ADAMTSL1: variants seen among roughly 807,000 people sequenced by gnomAD.
ADAMTSL1 encodes ADAMTS like 1.
Under a neutral mutation model 201.8 loss-of-function variants are expected in ADAMTSL1, and 126 were observed. That is an observed-to-expected ratio of 0.62 (90% confidence interval 0.54 to 0.72). The LOEUF (loss-of-function observed/expected upper bound fraction) is 0.72, where lower values mean the gene tolerates loss of function less well. ADAMTSL1 is among the 30% of genes least tolerant of loss of function. The probability of loss-of-function intolerance (pLI) is 0.00; values close to 1 mark genes in which losing one functional copy is unlikely to be tolerated. For synonymous variants in ADAMTSL1, 1,121 were observed against 903.4 expected, an observed-to-expected ratio of 1.24 and a Z score of -4.32; for missense variants, 2,679 against 2,277.8, an observed-to-expected ratio of 1.18 and a Z score of -3.59.
chr9:18,223,452 A>G (rs1318456894), intron 2 of ADAMTSL1, among the ~76,000 whole-genome samples: 3 of 151,932 alleles, frequency 2.0e-5, no homozygotes, highest in South Asian at 2.1e-4. Context: ...TTTCTTTACC[A>G]TCTTTTTGCT....
At chr9:18,568,022 T>C (rs1002949202) in intron 3 of ADAMTSL1, among the ~76,000 whole-genome samples, 1 of 152,192 alleles carries the variant, frequency 6.6e-6, no homozygotes, top group Non-Finnish European at 1.5e-5. Flanking sequence ...GTGAATGTGA[T>C]CTCTCTTTCA....
At chr9:18,585,098 T>G (rs1270322212) in intron 4 of ADAMTSL1, among the ~76,000 whole-genome samples, 2 of 152,182 alleles carry the variant, frequency 1.3e-5, no homozygotes, top group African/African-American at 4.8e-5. Flanking sequence ...TCATAGAAAT[T>G]CATTTATTTC....
At chr9:18,254,682 C>T (rs1482781106) in intron 2 of ADAMTSL1, among the ~76,000 whole-genome samples, 1 of 141,510 alleles carries the variant, frequency 7.1e-6, no homozygotes, top group Non-Finnish European at 1.5e-5. Flanking sequence ...CCCCAGTACT[C>T]TTAAATACAC....
chr9:18,608,867 A>G (rs1349478014), intron 4 of ADAMTSL1, among the ~76,000 whole-genome samples: 2 of 152,120 alleles, frequency 1.3e-5, no homozygotes, highest in East Asian at 3.9e-4. Context: ...TTTTCCTTTT[A>G]AAAAGATCGT....
At chr9:17,997,592 C>T (rs1220489585) in intron 1 of ADAMTSL1, among the ~76,000 whole-genome samples, 1 of 151,992 alleles carries the variant, frequency 6.6e-6, no homozygotes, top group Admixed American at 6.6e-5. Context: ...TATTTCTCAG[C>T]AGGGCCCTCC....
chr9:18,469,768 C>G (rs1821136186), upstream of ADAMTSL1, among the ~76,000 whole-genome samples: 1 of 152,232 alleles, frequency 6.6e-6, no homozygotes, highest in Admixed American at 6.5e-5. Context: ...TACAAGCAGA[C>G]AGAGCAAAGT....
intron 1 of ADAMTSL1, among the ~76,000 whole-genome samples, chr9:17,943,410 G>A (rs1477675855): frequency 6.6e-6 from 1 of 152,118 alleles, no homozygotes; most frequent in Non-Finnish European, 1.5e-5. Context: ...ATGGGGTAAA[G>A]ATCATTCTCA....
chr9:18,095,756 A>G (rs915969883), intron 1 of ADAMTSL1, among the ~76,000 whole-genome samples: 9 of 152,038 alleles, frequency 5.9e-5, no homozygotes, highest in African/African-American at 1.9e-4. Flanking sequence ...TGGGCTGACA[A>G]CGTATTTCAG....
chr9:18,096,901 A>G (rs1465220936), intron 1 of ADAMTSL1, among the ~76,000 whole-genome samples: 4 of 152,060 alleles, frequency 2.6e-5, no homozygotes, highest in Non-Finnish European at 4.4e-5. Context: ...TTTTTTTGTC[A>G]TCTTCTCTTA....
Position 17,999,966 on chromosome 9 carries a change from G to A in ADAMTSL1, c.87+93044G>A, listed in dbSNP as rs544708392. Among the ~76,000 whole-genome samples the A allele has an allele frequency of 4.6e-3, 672 of 146,102 alleles. 6 individuals are homozygous for A. Among genetic ancestry groups the A allele is most frequent in the Middle Eastern group, 7.0e-3 (2 of 286 alleles). ...TTTTTATGGCTGCATAGTATTCCAT[G>A]GTGTATATGTGCCACATTTTCTTAA... On this transcript the variant is annotated intron_variant, in intron 1 of 29. Transcript: ENST00000680146.
chr9:18,461,121 G>T (rs1212878266), intron 2 of ADAMTSL1, among the ~76,000 whole-genome samples: 3 of 152,132 alleles, frequency 2.0e-5, no homozygotes, highest in African/African-American at 7.2e-5. Flanking sequence ...CAAGAAAGGT[G>T]CATCAAGAAT....
intron 1 of ADAMTSL1, among the ~76,000 whole-genome samples, chr9:18,064,482 A>G (rs757189994): frequency 8.5e-5 from 13 of 152,216 alleles, no homozygotes; most frequent in Non-Finnish European, 1.5e-4. Context: ...ATAGGAACAT[A>G]AAGTGAAAGT....
chr9:18,478,319 G>A lies in ADAMTSL1; in HGVS notation c.63+4024G>A, dbSNP rs575089348. On this transcript the variant is annotated intron_variant, in intron 1 of 28. Coordinates refer to ENST00000380548, the MANE Select transcript of ADAMTSL1 (RefSeq NM_001040272.6). ...AGCATGAGACATGGTCTGGTGTTTT[G>A]GTTCTCCCCTTTATTATGGCTTACT... 5.9e-5 allele frequency among the ~76,000 whole-genome samples: 9 copies of A among 152,118 alleles called. 1 individual carries two copies. In the South Asian group the frequency reaches 1.7e-3, roughly 28 times the overall value.
chr9:18,205,852 G>A (rs1316018278), intron 2 of ADAMTSL1, among the ~76,000 whole-genome samples: 2 of 151,790 alleles, frequency 1.3e-5, no homozygotes, highest in Admixed American at 6.6e-5. Context: ...TCAGGAGTTC[G>A]AGACCAGCCT....
chr9:18,720,011 A>T (rs561840917), intron 14 of ADAMTSL1, among the ~76,000 whole-genome samples: 1 of 152,354 alleles, frequency 6.6e-6, no homozygotes, highest in South Asian at 2.1e-4. Context: ...GTCCAGCTAT[A>T]GATAGGTATC....
chr9:18,529,322 C>T (rs1239825202), intron 2 of ADAMTSL1, among the ~76,000 whole-genome samples: 1 of 152,102 alleles, frequency 6.6e-6, no homozygotes, highest in Non-Finnish European at 1.5e-5. Flanking sequence ...GACAGGTCAA[C>T]CTCAGGCCTA....
intron 1 of ADAMTSL1, chr9:17,907,016 C>G (rs1394224589): frequency 6.6e-6 from 1 of 152,638 alleles, no homozygotes; most frequent in South Asian, 2.1e-4. Flanking sequence ...GAGGTGCTCT[C>G]TTCCGCGAAG....
chr9:18,551,293 T>C (rs917129220), intron 3 of ADAMTSL1, among the ~76,000 whole-genome samples: 2 of 151,920 alleles, frequency 1.3e-5, no homozygotes, highest in African/African-American at 4.8e-5. Flanking sequence ...ATATATTATA[T>C]TGTTTACATC....
intron 2 of ADAMTSL1, among the ~76,000 whole-genome samples, chr9:18,445,700 T>C (rs932730881): frequency 1.3e-5 from 2 of 152,184 alleles, no homozygotes; most frequent in African/African-American, 2.4e-5. Context: ...GGAGACATCT[T>C]GAAAAATTTT....
Sources: gnomAD v4.1 joint callset for allele counts (sites outside exome capture counted in the v4.1 genomes callset) on GRCh38, gnomAD v4.1.1 for gene constraint, MANE v1.5 for transcripts, NCBI Gene and HGNC (gene_info 2026-07-23, HGNC 2026-07-21) for gene names.